Variants in SHB observed in about 807,000 individuals in gnomAD.
SHB encodes the protein SH2 domain containing adaptor protein B.
Under a neutral mutation model 52.3 loss-of-function variants are expected in SHB, and 20 were observed. That is an observed-to-expected ratio of 0.38 (90% CI 0.27 to 0.56). The LOEUF (loss-of-function observed/expected upper bound fraction) is 0.56. Ranked by LOEUF, SHB falls within the 20% of genes least tolerant of loss-of-function variation. The pLI is 0.71. For missense variants in SHB, 825 were observed against 723.3 expected, an observed-to-expected ratio of 1.14 and a Z score of -1.61; for synonymous variants, 397 against 316.5, an observed-to-expected ratio of 1.25 and a Z score of -2.70.
At chr9:38,065,456 G>A (rs1395673963) in intron 1 of SHB, among the ~76,000 whole-genome samples, 1 of 152,104 alleles carries the variant, frequency 6.6e-6, no homozygotes, top group African/African-American at 2.4e-5. Flanking sequence ...CCTCAACCTG[G>A]GAAATGATGG....
intron 1 of SHB, among the ~76,000 whole-genome samples, chr9:38,026,930 G>A (rs1178160664): frequency 6.6e-6 from 1 of 152,198 alleles, no homozygotes; most frequent in Non-Finnish European, 1.5e-5. Context: ...TCCTCCCCCT[G>A]CTCTTGCATT....
intron 3 of SHB, among the ~76,000 whole-genome samples, chr9:37,968,530 T>C (rs925357532): frequency 1.3e-5 from 2 of 152,250 alleles, no homozygotes; most frequent in East Asian, 3.8e-4. Context: ...ATGTGTCTTT[T>C]ATCTTTGCTA....
At chr9:37,930,301 GCT>G (rs969632417) in intron 5 of SHB, among the ~76,000 whole-genome samples, 1 of 152,154 alleles carries the variant, frequency 6.6e-6, no homozygotes, top group Non-Finnish European at 1.5e-5. Flanking sequence ...GCAGAGGTTT[GCT>G]CTCTTTCCGC....
intron 1 of SHB, among the ~76,000 whole-genome samples, chr9:38,039,664 C>A (rs955956377): frequency 6.6e-6 from 1 of 152,244 alleles, no homozygotes; most frequent in Non-Finnish European, 1.5e-5. Context: ...CACACAAGGG[C>A]AGTAAAACAC....
At position 37,918,710 on chromosome 9, in the gene SHB, T is replaced by C. The variant is rs977418153; in HGVS notation, c.*1111A>G. On this transcript the variant is annotated 3_prime_UTR_variant, in exon 6 of 6. Coordinates refer to ENST00000377707, the MANE Select transcript of SHB (RefSeq NM_003028.3). ...AATGACGTTCCTTCTCTGTCTCCCT[T>C]TCCCTACATGCCAAATACCTCCCAG... Among the ~76,000 whole-genome samples the C allele has an allele frequency of 6.6e-6, 1 of 152,324 alleles. No homozygotes were observed. The highest frequency in any genetic ancestry group is 1.9e-4 in the East Asian group (1 of 5,182).
intron 5 of SHB, among the ~76,000 whole-genome samples, chr9:37,936,267 G>A (rs1832370089): frequency 6.6e-6 from 1 of 151,990 alleles, no homozygotes; most frequent in African/African-American, 2.4e-5. Context: ...GATTCACTGT[G>A]GAAAATCCAG....
intron 5 of SHB, among the ~76,000 whole-genome samples, chr9:37,921,994 C>T (rs1355341117): frequency 6.6e-6 from 1 of 152,226 alleles, no homozygotes; most frequent in African/African-American, 2.4e-5. Context: ...GGAGGGGCTG[C>T]AGGTGCCAGG....
At chr9:37,920,326 AAAAC>A (rs1223203235) in intron 5 of SHB, among the ~76,000 whole-genome samples, 9 of 131,170 alleles carry the variant, frequency 6.9e-5, no homozygotes, top group African/African-American at 2.0e-4. Context: ...AAAACAAAAC[AAAAC>A]AAAACTTAGT....
chr9:38,051,404 C>T (rs1821738249), intron 1 of SHB, among the ~76,000 whole-genome samples: 1 of 144,650 alleles, frequency 6.9e-6, no homozygotes, highest in Non-Finnish European at 1.5e-5. Context: ...GATCGCGACA[C>T]TGCACTCCAA....
chr9:38,015,987 C>A (rs1821204887), intron 2 of SHB, 24 bp downstream of exon 2: 1 of 1,612,434 alleles, frequency 6.2e-7, no homozygotes, highest in Non-Finnish European at 8.5e-7. Flanking sequence ...CAGCTGTGAG[C>A]CCCTGCGCTT....
chr9:38,060,036 C>A (rs1478519282), intron 1 of SHB, among the ~76,000 whole-genome samples: 1 of 152,150 alleles, frequency 6.6e-6, no homozygotes. Flanking sequence ...AGTCTAGCCA[C>A]AAATAAGGCA....
At chr9:37,951,092 C>T (rs1230127344) in intron 4 of SHB, among the ~76,000 whole-genome samples, 1 of 152,144 alleles carries the variant, frequency 6.6e-6, no homozygotes, top group Non-Finnish European at 1.5e-5. Context: ...GCAGTGGCCA[C>T]AGCAAAATTA....
At chr9:38,058,329 A>G (rs1821846506) in intron 1 of SHB, among the ~76,000 whole-genome samples, 1 of 152,078 alleles carries the variant, frequency 6.6e-6, no homozygotes, top group Non-Finnish European at 1.5e-5. Flanking sequence ...AGAGTGTCCC[A>G]CTCTGGACCC....
chr9:37,955,412 T>C (rs1438412459), intron 4 of SHB, among the ~76,000 whole-genome samples: 1 of 152,114 alleles, frequency 6.6e-6, no homozygotes, highest in Non-Finnish European at 1.5e-5. Flanking sequence ...TGCCCATGTA[T>C]ACACAGAGGG....
intron 1 of SHB, among the ~76,000 whole-genome samples, chr9:38,017,198 C>T (rs889827961): frequency 5.3e-5 from 8 of 152,210 alleles, no homozygotes; most frequent in Middle Eastern, 6.3e-3. Context: ...TCCCTCTTGC[C>T]CTTTTTGGTC....
chr9:37,935,840 C>CA (rs1006950167), intron 5 of SHB, among the ~76,000 whole-genome samples: 2 of 151,946 alleles, frequency 1.3e-5, no homozygotes, highest in African/African-American at 4.8e-5. Flanking sequence ...AGAGAAGTTA[C>CA]AAAGAAAATC....
chr9:37,963,183 G>C (rs1167447425), intron 3 of SHB, among the ~76,000 whole-genome samples: 1 of 152,160 alleles, frequency 6.6e-6, no homozygotes, highest in African/African-American at 2.4e-5. Context: ...CGGGGATAGG[G>C]GGTCATTCAA....
chr9:37,973,362 TAC>T (rs1469410145), intron 3 of SHB, among the ~76,000 whole-genome samples: 2 of 152,218 alleles, frequency 1.3e-5, no homozygotes, highest in African/African-American at 4.8e-5. Flanking sequence ...TAGCTGAGAT[TAC>T]AGTCATGTGC....
chr9:37,990,127 A>G (rs1425927301), intron 2 of SHB, among the ~76,000 whole-genome samples: 11 of 152,158 alleles, frequency 7.2e-5, no homozygotes, highest in Non-Finnish European at 2.9e-5. Context: ...AGATGGCCTC[A>G]TCTCCCCTGG....
Sources: allele counts gnomAD v4.1 joint callset (sites outside exome capture counted in the v4.1 genomes callset), GRCh38; gene constraint gnomAD v4.1.1; transcripts MANE v1.5; gene names NCBI Gene and HGNC (gene_info 2026-07-23, HGNC 2026-07-21).